Variants in VGLL4 observed in about 807,000 individuals in gnomAD.
VGLL4 encodes vestigial like family member 4.
Under a neutral mutation model 21.0 loss-of-function variants are expected in VGLL4, and 7 were observed. The ratio of observed to expected loss-of-function variants is 0.33; its 90% CI spans 0.19 to 0.63. VGLL4 has a LOEUF of 0.63. Ranked by LOEUF, VGLL4 falls within the 20% of genes least tolerant of loss-of-function variation. The pLI, the probability that VGLL4 is intolerant of heterozygous loss-of-function variation, is 0.78. For missense variants in VGLL4, 394 were observed against 425.7 expected (o/e 0.93, Z 0.66); for synonymous variants, 222 against 173.2 (o/e 1.28, Z -2.21).
intron 2 of VGLL4, among the ~76,000 whole-genome samples, chr3:11,594,616 C>T (rs1341447185): frequency 1.3e-5 from 2 of 152,200 alleles, no homozygotes; most frequent in African/African-American, 4.8e-5. Context: ...TATGAATTTA[C>T]CATACTGTTA....
At chr3:11,584,173 GACAGAGCATCCTTAAT>G (rs2074306980) in intron 2 of VGLL4, among the ~76,000 whole-genome samples, 1 of 152,200 alleles carries the variant, frequency 6.6e-6, no homozygotes, top group Non-Finnish European at 1.5e-5. Context: ...CAACGCATTT[GACAGAGCATCCTTAAT>G]ATGAAGAGTC....
chr3:11,595,166 A>G (rs551670363), intron 2 of VGLL4, among the ~76,000 whole-genome samples: 1 of 114,600 alleles, frequency 8.7e-6, no homozygotes, highest in South Asian at 3.1e-4. Flanking sequence ...CATCTCAAAC[A>G]AACAAACAAA....
intron 1 of VGLL4, 42 bp from the exon 2 acceptor site, chr3:11,602,064 G>A: frequency 6.8e-7 from 1 of 1,466,744 alleles, no homozygotes; most frequent in Non-Finnish European, 9.0e-7. Flanking sequence ...CAGGAGAAAG[G>A]CCCCCATCTC....
At chr3:11,611,484 C>G (rs2075062072) in intron 1 of VGLL4, 1 of 152,196 alleles carries the variant, frequency 6.6e-6, no homozygotes, top group South Asian at 2.1e-4. Flanking sequence ...TAATACATTT[C>G]TGTTGTTTAA....
intron 2 of VGLL4, among the ~76,000 whole-genome samples, chr3:11,695,114 A>G (rs545489158): frequency 6.0e-5 from 9 of 149,190 alleles, no homozygotes; most frequent in Non-Finnish European, 1.0e-4. Context: ...GCAGTGGTGC[A>G]ATCTCGGCTC....
At chr3:11,590,858 A>C (rs997376100) in intron 2 of VGLL4, among the ~76,000 whole-genome samples, 1 of 152,220 alleles carries the variant, frequency 6.6e-6, no homozygotes, top group Non-Finnish European at 1.5e-5. Context: ...CTTTATCAGC[A>C]AGAAATTAGA....
In VGLL4 at chr3:11,685,191, C is replaced by T. The variant is rs543235124; in HGVS notation, c.64+17780G>A. On this transcript the variant is annotated intron_variant, in intron 2 of 5. Coordinates refer to the VGLL4 transcript ENST00000273038. ...GCTTTTTTGTAGCTGCATAGTATTC[C>T]ATGGTGTTGTTTTTTTTTTTTTTTT... Among the ~76,000 whole-genome samples the T allele has an allele frequency of 4.4e-5, 6 of 136,942 alleles. No individual in the cohort carries two copies. In the East Asian group the frequency reaches 1.3e-3, roughly 30 times the overall value. The allele number at this position is 136,942 out of a possible 152,430, so 89.8% of individuals were successfully genotyped here.
In VGLL4 at chr3:11,589,939, C is replaced by T. The variant is rs117552557; in HGVS notation, c.272+11894G>A. Among the ~76,000 whole-genome samples the T allele has an allele frequency of 5.4e-3, 827 of 152,262 alleles. 24 individuals are homozygous for T. The East Asian group carries it at 0.067, about 12-fold the overall frequency. ...CACATCGGGGGTTGAGGCTTCCACA[C>T]GAGAATTTTGAGGGGACACCACTCA... On this transcript the variant is annotated intron_variant, in intron 2 of 4. Coordinates refer to ENST00000430365, the MANE Select transcript of VGLL4 (RefSeq NM_001128219.3).
chr3:11,565,120 C>T lies in VGLL4; in HGVS notation c.273-101G>A. 1 of 1,187,218 alleles carries T rather than the reference C, an allele frequency of 8.4e-7. No individual in the cohort carries two copies. The highest frequency in any genetic ancestry group is 1.1e-6 in the Non-Finnish European group (1 of 908,022). 73.5% of individuals were successfully genotyped at this position (1,187,218 alleles called of 1,614,324 possible). A position where few individuals can be genotyped will look rare whatever the true frequency, so the allele number is the denominator to read the frequency against. ...CGTGTTGCTTATTTAATTTTTTACC[C>T]TGAAGCTCAGGTCGTGTGGCTGGGC... On this transcript the variant is annotated intron_variant, in intron 2 of 4. Transcript: ENST00000430365. This position sits in a 1 kb window ranked among gnomAD's most constrained non-coding sequence, Gnocchi z 4.1.
chr3:11,701,007 G>T (rs1326848129), intron 2 of VGLL4, among the ~76,000 whole-genome samples: 4 of 152,066 alleles, frequency 2.6e-5, no homozygotes, highest in Non-Finnish European at 5.9e-5. Context: ...GATACCTCAC[G>T]CAATCACTGG....
chr3:11,716,467 A>G (rs1203773600), intron 1 of VGLL4, among the ~76,000 whole-genome samples: 2 of 152,156 alleles, frequency 1.3e-5, no homozygotes, highest in African/African-American at 4.8e-5. Context: ...ATTTTTCCCC[A>G]TACTGCACAT....
intron 1 of VGLL4, among the ~76,000 whole-genome samples, chr3:11,625,576 G>A (rs1001924687): frequency 6.6e-6 from 1 of 152,176 alleles, no homozygotes; most frequent in Admixed American, 6.5e-5. Context: ...TTTTGCTGGG[G>A]TTCAAGTGCA....
chr3:11,565,132 T>C lies in VGLL4; in HGVS notation c.273-113A>G, dbSNP rs948445542. The C allele has an allele frequency of 6.4e-6, 7 of 1,099,850 alleles. No homozygotes were observed. The highest frequency in any genetic ancestry group is 8.2e-5 in the Admixed American group (2 of 24,478). 68.1% of individuals were successfully genotyped at this position (1,099,850 alleles called of 1,614,324 possible). ...TTAATTTTTTACCCTGAAGCTCAGG[T>C]CGTGTGGCTGGGCAGCACGATGAGG... On this transcript the variant is annotated intron_variant, in intron 2 of 4. Transcript: ENST00000430365. This position sits in a 1 kb window ranked among gnomAD's most constrained non-coding sequence, Gnocchi z 4.1.
chr3:11,563,573 C>T (rs2073227324), intron 3 of VGLL4, among the ~76,000 whole-genome samples: 1 of 152,234 alleles, frequency 6.6e-6, no homozygotes, highest in South Asian at 2.1e-4. Flanking sequence ...CTCTGCTCTG[C>T]AGAGGGCTGG....
intron 2 of VGLL4, among the ~76,000 whole-genome samples, chr3:11,566,243 G>A (rs980823669): frequency 2.6e-5 from 4 of 151,836 alleles, no homozygotes; most frequent in South Asian, 2.1e-4. Flanking sequence ...ACACACACAC[G>A]CATGTGATAG....
chr3:11,634,089 A>C (rs2075539712), intron 1 of VGLL4, among the ~76,000 whole-genome samples: 1 of 152,156 alleles, frequency 6.6e-6, no homozygotes, highest in African/African-American at 2.4e-5. Flanking sequence ...TCTCTATCCA[A>C]GTATCTCCAG....
chr3:11,632,486 T>C (rs9878992), intron 1 of VGLL4, among the ~76,000 whole-genome samples: 66,483 of 151,986 alleles, frequency 0.44, 15,011 homozygotes, highest in Non-Finnish European at 0.51. Flanking sequence ...TGAGGCAGTC[T>C]GACTCTGGCC....
intron 1 of VGLL4, among the ~76,000 whole-genome samples, chr3:11,623,375 A>T (rs1011768026): frequency 6.6e-6 from 1 of 152,216 alleles, no homozygotes; most frequent in Non-Finnish European, 1.5e-5. Flanking sequence ...AAATCCACAC[A>T]TACCCAAGTC....
chr3:11,580,183 T>C (rs1280386208), intron 2 of VGLL4, among the ~76,000 whole-genome samples: 2 of 152,226 alleles, frequency 1.3e-5, no homozygotes, highest in African/African-American at 4.8e-5. Context: ...ATTTCCTCCT[T>C]CTTGCAGCCG....
Sources: gnomAD v4.1 joint callset for allele counts (sites outside exome capture counted in the v4.1 genomes callset) on GRCh38, gnomAD v4.1.1 for gene constraint, Gnocchi (gnomAD v3.1) non-coding constraint, MANE v1.5 for transcripts, NCBI Gene and HGNC (gene_info 2026-07-23, HGNC 2026-07-21) for gene names.